Variants in COL25A1 observed in about 807,000 individuals in gnomAD.
COL25A1 encodes the protein collagen alpha-1(XXV) chain.
A neutral mutation model predicts 128.4 loss-of-function variants in COL25A1; 103 were observed. That is an observed-to-expected ratio of 0.80 (90% CI 0.68 to 0.94). The LOEUF (loss-of-function observed/expected upper bound fraction) is 0.94. COL25A1 is among the 40% of genes least tolerant of loss of function. COL25A1 has a pLI of 0.00. For synonymous variants in COL25A1, 279 were observed against 277.2 expected (o/e 1.01, Z -0.06); for missense variants, 745 against 840.0 (o/e 0.89, Z 1.40).
intron 6 of COL25A1, among the ~76,000 whole-genome samples, chr4:109,003,669 C>T (rs1012471342): frequency 1.2e-4 from 18 of 152,226 alleles, no homozygotes; most frequent in African/African-American, 3.4e-4. Context: ...GGCGTGGTGG[C>T]GGACGCCTAT....
intron 12 of COL25A1, among the ~76,000 whole-genome samples, chr4:108,918,655 C>T (rs1745143338): frequency 6.6e-6 from 1 of 152,164 alleles, no homozygotes; most frequent in African/African-American, 2.4e-5. Flanking sequence ...AAATAAGGGG[C>T]CCATGTCGCA....
chr4:108,826,890 G>C (rs1732455273), intron 33 of COL25A1, among the ~76,000 whole-genome samples: 1 of 152,116 alleles, frequency 6.6e-6, no homozygotes, highest in South Asian at 2.1e-4. Context: ...CTTTATTCTA[G>C]AGACAGTCTC....
At chr4:108,908,230 T>A (rs1743761846) in intron 13 of COL25A1, among the ~76,000 whole-genome samples, 1 of 152,176 alleles carries the variant, frequency 6.6e-6, no homozygotes, top group African/African-American at 2.4e-5. Flanking sequence ...AGAATTCCTC[T>A]CTGCAGGCAT....
In COL25A1 at chr4:109,130,832, C is replaced by T. The variant is rs543054167; in HGVS notation, c.368-80653G>A. On this transcript the variant is annotated intron_variant, in intron 3 of 37. Transcript: ENST00000399132. ...TTTGATCATGTAACCCTTTCATTTTCGAACCTGCATTAAAAATACATATTT... is the reference window on the plus strand; with the variant it reads ...TTTGATCATGTAACCCTTTCATTTTTGAACCTGCATTAAAAATACATATTT... Among the ~76,000 whole-genome samples the T allele has an allele frequency of 1.1e-4, 17 of 152,256 alleles. No homozygotes were observed. The South Asian group carries it at 2.3e-3, about 20-fold the overall frequency.
chr4:109,030,973 A>G (rs376809653), intron 5 of COL25A1, among the ~76,000 whole-genome samples: 43 of 152,116 alleles, frequency 2.8e-4, no homozygotes, highest in African/African-American at 9.6e-4. Context: ...ACTGGACTCA[A>G]AGTGATCCAC....
chr4:108,975,003 C>A (rs1310146884), intron 6 of COL25A1, among the ~76,000 whole-genome samples: 1 of 152,146 alleles, frequency 6.6e-6, no homozygotes, highest in African/African-American at 2.4e-5. Context: ...GCCTCTTTTG[C>A]TTAATTAGTA....
intron 3 of COL25A1, among the ~76,000 whole-genome samples, chr4:109,108,234 T>C (rs539679964): frequency 1.3e-5 from 2 of 152,242 alleles, no homozygotes; most frequent in African/African-American, 4.8e-5. Flanking sequence ...CCTGTATCCA[T>C]GTGTTCTCAT....
rs1180104512 is a variant in COL25A1 at position 109,000,743 on chromosome 4, C to CAAAA, written c.438+9611_438+9614dup. Among the ~76,000 whole-genome samples the CAAAA allele has an allele frequency of 4.9e-4, 18 of 36,410 alleles. 2 individuals carry two copies. Among genetic ancestry groups the CAAAA allele is most frequent in the Admixed American group, 1.6e-3 (6 of 3,796 alleles). 23.9% of individuals were successfully genotyped at this position (36,410 alleles called of 152,430 possible). On this transcript the variant is annotated intron_variant, in intron 6 of 37. Transcript: ENST00000399132. ...CCTGGGCAACAGAGTGAGACTCTGT[C>CAAAA]AAAAAAAAAAAAAAAAAAAAAAAAA... is the stretch of plus-strand genomic sequence containing the variant.
intron 3 of COL25A1, 77 bp from the exon 4 acceptor site, chr4:109,050,256 T>C: frequency 3.6e-6 from 4 of 1,101,684 alleles, no homozygotes; most frequent in South Asian, 3.0e-5. Context: ...AAATAATTTA[T>C]ATATATTTTC....
intron 35 of COL25A1, among the ~76,000 whole-genome samples, chr4:108,821,374 T>C (rs910778904): frequency 2.6e-5 from 4 of 152,144 alleles, no homozygotes; most frequent in Non-Finnish European, 5.9e-5. Flanking sequence ...GGGAAGAACA[T>C]TCAGGAGTAA....
intron 3 of COL25A1, among the ~76,000 whole-genome samples, chr4:109,125,673 T>C (rs1166120302): frequency 2.6e-5 from 4 of 152,154 alleles, no homozygotes. Context: ...ATTGTTGTAA[T>C]GGTGATCAAT....
intron 6 of COL25A1, among the ~76,000 whole-genome samples, chr4:108,979,587 T>G (rs1752760033): frequency 6.6e-6 from 1 of 152,154 alleles, no homozygotes; most frequent in Admixed American, 6.5e-5. Flanking sequence ...AAGGAGCAAA[T>G]GCTGGGAATT....
intron 3 of COL25A1, among the ~76,000 whole-genome samples, chr4:109,214,045 C>G (rs143223059): frequency 6.6e-6 from 1 of 152,010 alleles, no homozygotes; most frequent in Admixed American, 6.6e-5. Context: ...CACCCTCAGC[C>G]GTTTGCCTGA....
intron 3 of COL25A1, among the ~76,000 whole-genome samples, chr4:109,171,822 A>G (rs1773618091): frequency 6.6e-6 from 1 of 152,172 alleles, no homozygotes; most frequent in Non-Finnish European, 1.5e-5. Flanking sequence ...TATCCAGGAC[A>G]CTTCTCGCAT....
intron 3 of COL25A1, among the ~76,000 whole-genome samples, chr4:109,116,510 T>C (rs1251855940): frequency 6.6e-6 from 1 of 151,904 alleles, no homozygotes; most frequent in Non-Finnish European, 1.5e-5. Context: ...AATCATAGAA[T>C]TGTAGAACTC....
At position 108,946,960 on chromosome 4, in the gene COL25A1, G is replaced by C. The variant is rs189363037; in HGVS notation, c.493-5523C>G. On this transcript the variant is annotated intron_variant, in intron 8 of 37. Coordinates refer to ENST00000399132, the MANE Select transcript of COL25A1 (RefSeq NM_198721.4). ...CTTGTAACTTGGCTGATAATATAAG[G>C]GTAAATGAGGAGCAGAGAATGGTCC... 3.8e-3 allele frequency among the ~76,000 whole-genome samples: 573 copies of C among 152,188 alleles called. 5 individuals are homozygous for C. The highest frequency in any genetic ancestry group is 0.013 in the African/African-American group (537 of 41,522).
chr4:108,984,021 TG>T (rs1316250491), intron 6 of COL25A1, among the ~76,000 whole-genome samples: 1 of 152,140 alleles, frequency 6.6e-6, no homozygotes, highest in Non-Finnish European at 1.5e-5. Flanking sequence ...CGGAGTGGTC[TG>T]TTTTGACAGG....
At chr4:109,289,766 T>G (rs1724279567) in intron 3 of COL25A1, among the ~76,000 whole-genome samples, 1 of 152,226 alleles carries the variant, frequency 6.6e-6, no homozygotes, top group South Asian at 2.1e-4. Flanking sequence ...TCCTCTGTTT[T>G]TGTAGTTTCA....
intron 3 of COL25A1, among the ~76,000 whole-genome samples, chr4:109,258,385 G>C (rs922258583): frequency 6.6e-6 from 1 of 152,026 alleles, no homozygotes; most frequent in African/African-American, 2.4e-5. Flanking sequence ...CATTTTACTA[G>C]CTGTTTGACC....
Sources: allele counts gnomAD v4.1 joint callset (sites outside exome capture counted in the v4.1 genomes callset), GRCh38; gene constraint gnomAD v4.1.1; transcripts MANE v1.5; gene names NCBI Gene and HGNC (gene_info 2026-07-23, HGNC 2026-07-21).